COL19A1: variants seen among roughly 807,000 people sequenced by gnomAD.
COL19A1 encodes the protein collagen type XIX alpha 1 chain, also known as collagen alpha-1(XIX) chain.
COL19A1 carries 159 observed loss-of-function variants against 190.2 expected under a neutral mutation model. The ratio of observed to expected loss-of-function variants is 0.84; its 90% CI spans 0.73 to 0.95. The LOEUF (loss-of-function observed/expected upper bound fraction) is 0.95. Ranked by LOEUF, COL19A1 falls within the 40% of genes least tolerant of loss-of-function variation. The pLI is 0.00. For synonymous variants in COL19A1, 509 were observed against 458.9 expected, an observed-to-expected ratio of 1.11 and a Z score of -1.39; for missense variants, 1,418 against 1,431.9, an observed-to-expected ratio of 0.99 and a Z score of 0.16.
At chr6:70,172,038 T>C (rs753789129) in intron 41 of COL19A1, 21 bp downstream of exon 41, 2 of 1,605,714 alleles carry the variant, frequency 1.2e-6, no homozygotes, top group South Asian at 1.1e-5. Flanking sequence ...AAGTTAGAAA[T>C]GTGTTCATTT....
chr6:70,139,589 C>T (rs764337655), intron 19 of COL19A1, among the ~76,000 whole-genome samples: 18 of 151,994 alleles, frequency 1.2e-4, no homozygotes, highest in Non-Finnish European at 2.4e-4. Context: ...TGGTCTCAAA[C>T]TTTCTCTTCC....
At chr6:70,068,067 A>G (rs1228227962) in intron 14 of COL19A1, among the ~76,000 whole-genome samples, 1 of 152,066 alleles carries the variant, frequency 6.6e-6, no homozygotes, top group African/African-American at 2.4e-5. Context: ...TTATTTATAG[A>G]GTTTAAATGT....
At chr6:70,036,599 G>T (rs182947981) in intron 14 of COL19A1, among the ~76,000 whole-genome samples, 1 of 151,896 alleles carries the variant, frequency 6.6e-6, no homozygotes. Flanking sequence ...TTTTTCATAG[G>T]TGATTAAAGA....
intron 15 of COL19A1, chr6:70,098,517 A>C: frequency 4.3e-6 from 2 of 468,724 alleles, no homozygotes; most frequent in East Asian, 1.1e-4. Flanking sequence ...GTATTATTTC[A>C]TCTTTAAGCC....
chr6:70,130,187 T>C lies in COL19A1; in HGVS notation c.1347T>C (p.Asn449=), dbSNP rs373838715. 6.2e-7 allele frequency: 1 copy of C among 1,612,230 alleles called. No homozygotes were observed. Among genetic ancestry groups the C allele is most frequent in the Admixed American group, 1.7e-5 (1 of 59,732 alleles). ...AAATTGTTTTTCACCCCTAGGGAAA[T>C]GATGAACATGAAGCTGGAGGCCTGA... ...GGYYNKDNKG[N]DEHEAGGLKG... Residue 449 remains asparagine (N), a synonymous_variant, in exon 18 of 51, where the codon AAT becomes AAC. Transcript: ENST00000620364.
chr6:70,077,420 C>T (rs1312439362), intron 15 of COL19A1, among the ~76,000 whole-genome samples: 2 of 152,022 alleles, frequency 1.3e-5, no homozygotes, highest in Non-Finnish European at 2.9e-5. Context: ...TTAGAAACTA[C>T]TTTTTCTCAT....
chr6:69,926,316 C>A (rs1044578374), intron 4 of COL19A1, among the ~76,000 whole-genome samples: 1 of 152,044 alleles, frequency 6.6e-6, no homozygotes, highest in Admixed American at 6.6e-5. Context: ...TCTGAGGAAA[C>A]CTAGACATTA....
chr6:70,168,644 T>C lies in COL19A1; in HGVS notation c.2542-11T>C, dbSNP rs77858958. The C allele has an allele frequency of 1.4e-3, 2,226 of 1,612,272 alleles. 30 individuals carry two copies. The African/African-American group carries it at 0.026, about 19-fold the overall frequency. ...TTATTTGAAAAATGACTTTCCATGT[T>C]TCTCTTACAGGGCCCAAAAGGCGAT... On this transcript the variant is annotated splice_polypyrimidine_tract_variant and intron_variant, in intron 39 of 50. Transcript: ENST00000620364.
intron 41 of COL19A1, 93 bp downstream of exon 41, chr6:70,172,110 A>G (rs1300786320): frequency 4.4e-6 from 5 of 1,125,904 alleles, no homozygotes; most frequent in African/African-American, 1.6e-5. Flanking sequence ...TAGGTTAGGG[A>G]TATATAAAGG....
At chr6:70,080,236 A>G (rs1782162155) in intron 15 of COL19A1, among the ~76,000 whole-genome samples, 1 of 152,244 alleles carries the variant, frequency 6.6e-6, no homozygotes, top group East Asian at 1.9e-4. Context: ...TCAGGCCAAT[A>G]GATACACCTA....
intron 6 of COL19A1, among the ~76,000 whole-genome samples, chr6:69,930,397 A>G (rs1772680775): frequency 6.6e-6 from 1 of 152,188 alleles, no homozygotes; most frequent in African/African-American, 2.4e-5. Context: ...TTCTTAGTTT[A>G]TTATGTATAA....
rs754984646 is a variant in COL19A1, at chr6:70,144,288, T to C, written c.1680+25T>C. The C allele has an allele frequency of 1.6e-5, 25 of 1,588,636 alleles. No individual in the cohort carries two copies. The South Asian group carries it at 1.7e-4, about 11-fold the overall frequency. On this transcript the variant is annotated intron_variant, in intron 24 of 50. Coordinates refer to ENST00000620364, the MANE Select transcript of COL19A1 (RefSeq NM_001858.6). ...GGTATAGTTTACATTTTCCTCATTT[T>C]ATATGTTAAGTAGATAGGAGGAAGA...
chr6:70,055,019 A>G (rs1780412144), intron 14 of COL19A1, among the ~76,000 whole-genome samples: 1 of 152,214 alleles, frequency 6.6e-6, no homozygotes, highest in Non-Finnish European at 1.5e-5. Context: ...AACTCACATC[A>G]TAACAAACAA....
At chr6:69,936,549 C>T (rs1195720037) in intron 7 of COL19A1, among the ~76,000 whole-genome samples, 1 of 151,916 alleles carries the variant, frequency 6.6e-6, no homozygotes, top group Non-Finnish European at 1.5e-5. Flanking sequence ...AATTCCTTAC[C>T]AAGACCATTA....
intron 14 of COL19A1, among the ~76,000 whole-genome samples, chr6:70,063,232 T>C (rs1484947755): frequency 2.0e-5 from 3 of 152,118 alleles, no homozygotes; most frequent in African/African-American, 7.2e-5. Context: ...TAGTTGGAAG[T>C]AAAGCACTCC....
intron 11 of COL19A1, among the ~76,000 whole-genome samples, chr6:69,991,557 T>C (rs914891033): frequency 1.3e-5 from 2 of 152,076 alleles, no homozygotes; most frequent in African/African-American, 2.4e-5. Flanking sequence ...CTGTTATTTT[T>C]TGACATTTTA....
At chr6:70,163,883 C>G (rs1034501157) in intron 36 of COL19A1, among the ~76,000 whole-genome samples, 2 of 152,120 alleles carry the variant, frequency 1.3e-5, no homozygotes, top group South Asian at 2.1e-4. Flanking sequence ...ACAGAGTCTG[C>G]CTTCTTGTTC....
At chr6:69,940,237 T>A (rs1582467718) in intron 9 of COL19A1, among the ~76,000 whole-genome samples, 2 of 152,282 alleles carry the variant, frequency 1.3e-5, no homozygotes, top group East Asian at 3.9e-4. Context: ...CCTTTAATCA[T>A]AAATAGACAT....
At chr6:70,097,185 A>G (rs1783328569) in intron 15 of COL19A1, among the ~76,000 whole-genome samples, 1 of 152,058 alleles carries the variant, frequency 6.6e-6, no homozygotes, top group Non-Finnish European at 1.5e-5. Context: ...GTTCTCTCAC[A>G]CTGCAAGTCA....
Sources: gnomAD v4.1 joint callset for allele counts (sites outside exome capture counted in the v4.1 genomes callset) on GRCh38, gnomAD v4.1.1 for gene constraint, MANE v1.5 for transcripts, NCBI Gene and HGNC (gene_info 2026-07-23, HGNC 2026-07-21) for gene names.